The following SLC12A8 variants were observed in gnomAD, a reference collection of about 807,000 sequenced individuals.
SLC12A8 encodes solute carrier family 12 member 8, also known as cation-chloride cotransporter 9.
Under a neutral mutation model 75.6 loss-of-function variants are expected in SLC12A8, and 69 were observed. The ratio of observed to expected loss-of-function variants is 0.91; its 90% CI spans 0.75 to 1.11. The LOEUF is 1.11. Ranked by LOEUF, SLC12A8 falls within the 50% of genes most tolerant of loss-of-function variation. SLC12A8 has a pLI of 0.00. For missense variants in SLC12A8, 877 were observed against 896.7 expected (o/e 0.98, Z 0.28); for synonymous variants, 365 against 372.8 (o/e 0.98, Z 0.24).
chr3:125,199,890 A>G (rs1343116162), intron 2 of SLC12A8, among the ~76,000 whole-genome samples: 4 of 152,238 alleles, frequency 2.6e-5, no homozygotes, highest in African/African-American at 9.6e-5. Flanking sequence ...GAGAAATGGA[A>G]GGAAGTGTAT....
intron 5 of SLC12A8, among the ~76,000 whole-genome samples, chr3:125,160,492 C>T (rs1334056527): frequency 6.6e-6 from 1 of 152,220 alleles, no homozygotes; most frequent in Non-Finnish European, 1.5e-5. Context: ...AAGTGAAGTT[C>T]TTTCCATCCA....
In SLC12A8 at chr3:125,083,232, T is replaced by C. The variant is rs1373804805; in HGVS notation, c.*658A>G. On this transcript the variant is annotated 3_prime_UTR_variant, in exon 14 of 14. Transcript: ENST00000469902. Reference sequence around the variant, plus strand: ...TAAAATATAAAACATACACTTATTGTGGCCCTCTGCACAAGCAATCTGGTT... The same window carrying C: ...TAAAATATAAAACATACACTTATTGCGGCCCTCTGCACAAGCAATCTGGTT... 1.3e-5 allele frequency: 2 copies of C among 152,182 alleles called. No homozygotes were observed. Among genetic ancestry groups the C allele is most frequent in the Admixed American group, 6.5e-5 (1 of 15,284 alleles). 9.4% of individuals were successfully genotyped at this position (152,182 alleles called of 1,614,324 possible). A position where few individuals can be genotyped will look rare whatever the true frequency, so the allele number is the denominator to read the frequency against.
chr3:125,143,653 C>A (rs1293657554), intron 5 of SLC12A8, among the ~76,000 whole-genome samples: 2 of 152,238 alleles, frequency 1.3e-5, no homozygotes, highest in African/African-American at 4.8e-5. Flanking sequence ...TCCCGCCCAG[C>A]CTGCCTAGAA....
At chr3:125,101,674 G>A (rs1266144451) in intron 10 of SLC12A8, among the ~76,000 whole-genome samples, 1 of 152,158 alleles carries the variant, frequency 6.6e-6, no homozygotes, top group East Asian at 1.9e-4. Context: ...AATAATTCTT[G>A]TGTATATAAG....
chr3:125,084,953 TG>T (rs1451139579), intron 13 of SLC12A8, among the ~76,000 whole-genome samples: 10 of 152,254 alleles, frequency 6.6e-5, no homozygotes, highest in African/African-American at 1.9e-4. Flanking sequence ...TGTTTGAATA[TG>T]GAATACATTT....
intron 2 of SLC12A8, among the ~76,000 whole-genome samples, chr3:125,207,131 ACTC>A (rs754575547): frequency 6.6e-6 from 1 of 151,912 alleles, no homozygotes; most frequent in African/African-American, 2.4e-5. Flanking sequence ...CGACCTGGAA[ACTC>A]CTCCTCCTGT....
intron 5 of SLC12A8, among the ~76,000 whole-genome samples, chr3:125,163,473 C>A (rs537017125): frequency 5.2e-4 from 79 of 151,666 alleles, no homozygotes; most frequent in Non-Finnish European, 9.1e-4. Flanking sequence ...TAGCCAGGCG[C>A]CTGTAGTCCC....
intron 9 of SLC12A8, among the ~76,000 whole-genome samples, chr3:125,108,698 TTA>T (rs1939104654): frequency 6.6e-6 from 1 of 152,204 alleles, no homozygotes; most frequent in Non-Finnish European, 1.5e-5. Flanking sequence ...TGGGGCATTA[TTA>T]TAGAACTTTG....
intron 2 of SLC12A8, among the ~76,000 whole-genome samples, chr3:125,202,591 AG>A (rs2107803189): frequency 6.6e-6 from 1 of 151,958 alleles, no homozygotes; most frequent in South Asian, 2.1e-4. Context: ...GAAGTTACCT[AG>A]TCCCTCTATT....
chr3:125,148,787 T>C (rs1933848211), intron 5 of SLC12A8, among the ~76,000 whole-genome samples: 2 of 152,122 alleles, frequency 1.3e-5, no homozygotes, highest in South Asian at 4.1e-4. Context: ...TGAGGGCACA[T>C]ATCCCACTTT....
At chr3:125,146,306 G>A (rs565180392) in intron 5 of SLC12A8, among the ~76,000 whole-genome samples, 5 of 152,312 alleles carry the variant, frequency 3.3e-5, no homozygotes, top group African/African-American at 7.2e-5. Context: ...TAGTGGGGGC[G>A]GAGTTTCTGT....
At chr3:125,087,285 G>A (rs1938483860) in intron 13 of SLC12A8, among the ~76,000 whole-genome samples, 1 of 152,002 alleles carries the variant, frequency 6.6e-6, no homozygotes, top group East Asian at 1.9e-4. Context: ...TAGAGATGGG[G>A]TTTCACTATG....
intron 2 of SLC12A8, among the ~76,000 whole-genome samples, chr3:125,197,620 C>T (rs1935031978): frequency 6.6e-6 from 1 of 152,116 alleles, no homozygotes. Context: ...TCTATTTCTG[C>T]TCATTGTCAC....
intron 6 of SLC12A8, chr3:125,125,903 T>C (rs1933193301): frequency 3.1e-6 from 3 of 982,844 alleles, no homozygotes; most frequent in Non-Finnish European, 3.6e-6. Flanking sequence ...TTATCAGTTA[T>C]AATCGGCGCG....
intron 2 of SLC12A8, among the ~76,000 whole-genome samples, chr3:125,206,309 T>G (rs1935225261): frequency 6.6e-6 from 1 of 152,220 alleles, no homozygotes; most frequent in African/African-American, 2.4e-5. Flanking sequence ...GTAGCCTTGC[T>G]TCTAACCTGG....
At chr3:125,115,238 G>A (rs1427918022) in intron 8 of SLC12A8, among the ~76,000 whole-genome samples, 3 of 152,124 alleles carry the variant, frequency 2.0e-5, no homozygotes, top group Non-Finnish European at 2.9e-5. Flanking sequence ...GTAAAAAGAC[G>A]TCGCCGGGCG....
chr3:125,086,757 G>T (rs778400958), intron 13 of SLC12A8, among the ~76,000 whole-genome samples: 1 of 152,168 alleles, frequency 6.6e-6, no homozygotes, highest in Non-Finnish European at 1.5e-5. Flanking sequence ...CTCCACATGA[G>T]ACATTGAGAC....
At chr3:125,088,181 A>G in intron 13 of SLC12A8, 129 bp downstream of exon 13, 1 of 804,410 alleles carries the variant, frequency 1.2e-6, no homozygotes, top group Non-Finnish European at 2.1e-6. Flanking sequence ...AGTCTCCCGG[A>G]GGTGCCCAGT....
chr3:125,121,035 G>A, intron 6 of SLC12A8: 2 of 607,776 alleles, frequency 3.3e-6, no homozygotes, highest in Non-Finnish European at 2.9e-6. Flanking sequence ...ATGCCCTGGA[G>A]AGGCTCAGCA....
Sources: allele counts gnomAD v4.1 joint callset (sites outside exome capture counted in the v4.1 genomes callset), GRCh38; gene constraint gnomAD v4.1.1; transcripts MANE v1.5; gene names NCBI Gene and HGNC (gene_info 2026-07-23, HGNC 2026-07-21).